MTM1: variants seen among roughly 807,000 people sequenced by gnomAD.
MTM1 encodes the protein myotubularin 1, also known as myotubularin.
MTM1 carries 9 observed loss-of-function variants against 52.1 expected under a neutral mutation model. The observed-to-expected ratio is 0.17, with a 90% CI of 0.10 to 0.30. The LOEUF (loss-of-function observed/expected upper bound fraction) is 0.30. Among genes scored for constraint, MTM1 ranks in the 10% least tolerant of loss-of-function variants. The pLI, the probability that MTM1 is intolerant of heterozygous loss-of-function variation, is 1.00. For missense variants in MTM1, 277 were observed against 470.7 expected, an observed-to-expected ratio of 0.59 and a Z score of 3.81; for synonymous variants, 136 against 163.8, an observed-to-expected ratio of 0.83 and a Z score of 1.29.
At chrX:150,586,455 G>C (rs1464696896) in intron 1 of MTM1, among the ~76,000 whole-genome samples, 2 of 111,362 alleles carry the variant, frequency 1.8e-5, no homozygotes, top group Non-Finnish European at 3.8e-5. Context: ...AATGGAAGGA[G>C]GCATATTTGA....
In MTM1 at chrX:150,659,192, G is replaced by T. The variant is rs781860614; in HGVS notation, c.1261-472G>T. On this transcript the variant is annotated intron_variant, in intron 11 of 14. Transcript: ENST00000370396. ...TGTTTAGTAAATGAATACATTGTGA[G>T]ATTTTTTGGTTTTGTCTTGTTTTTA... Among the ~76,000 whole-genome samples, 20 of 112,481 alleles carry T rather than the reference G, an allele frequency of 1.8e-4. No homozygotes were observed. In the South Asian group the frequency reaches 4.0e-3, roughly 22 times the overall value.
chrX:150,646,568 G>A (rs148288886), intron 9 of MTM1, among the ~76,000 whole-genome samples: 1,907 of 112,335 alleles, frequency 0.017, 20 homozygotes, highest in Non-Finnish European at 0.027. Flanking sequence ...TGCATTTTAC[G>A]TTCTATTTCT....
chrX:150,622,246 G>A (rs2039495631), intron 6 of MTM1, among the ~76,000 whole-genome samples: 1 of 108,966 alleles, frequency 9.2e-6, no homozygotes, highest in South Asian at 3.9e-4. Flanking sequence ...GTTTTGGAAG[G>A]TGACATTATC....
At chrX:150,606,707 TCCCC>T (rs2039163493) in intron 4 of MTM1, among the ~76,000 whole-genome samples, 1 of 111,322 alleles carries the variant, frequency 9.0e-6, no homozygotes, top group African/African-American at 3.3e-5. Context: ...GAGTCTTAGT[TCCCC>T]ATTGGTTATT....
intron 6 of MTM1, among the ~76,000 whole-genome samples, chrX:150,624,201 C>T (rs781877506): frequency 7.2e-5 from 8 of 111,744 alleles, no homozygotes; most frequent in South Asian, 7.5e-4. Flanking sequence ...TGGTAAGATG[C>T]GCACTTTTTT....
rs1569565322 is a variant in MTM1, at chrX:150,583,387, T to TATAATTATA, written c.-10-9217_-10-9216insTAATTATAA. On this transcript the variant is annotated intron_variant, in intron 1 of 14. Coordinates refer to ENST00000370396, the MANE Select transcript of MTM1 (RefSeq NM_000252.3). ...TAAATTATATATATTATATATAATA[T>TATAATTATA]AATATATATAAATTATATATATTAT... 4.1e-4 allele frequency among the ~76,000 whole-genome samples: 5 copies of TATAATTATA among 12,217 alleles called. No individual in the cohort carries two copies. The African/African-American group carries it at 4.5e-3, about 11-fold the overall frequency. 10.6% of individuals were successfully genotyped at this position (12,217 alleles called of 115,157 possible).
chrX:150,577,041 T>C (rs1557411670), intron 1 of MTM1, among the ~76,000 whole-genome samples: 1 of 112,768 alleles, frequency 8.9e-6, no homozygotes, highest in East Asian at 2.7e-4. Context: ...CGTAGTTCTT[T>C]GAAATTTGTC....
chrX:150,616,289 C>G (rs782375533), intron 5 of MTM1, among the ~76,000 whole-genome samples: 3 of 111,710 alleles, frequency 2.7e-5, no homozygotes, highest in Non-Finnish European at 5.6e-5. Context: ...TGTTGTAGCA[C>G]AACCTTTTAA....
upstream of MTM1, among the ~76,000 whole-genome samples, chrX:150,566,193 T>C (rs185933539): frequency 3.4e-3 from 380 of 111,592 alleles, 1 homozygote; most frequent in African/African-American, 0.011. Flanking sequence ...TGAAGTGTAG[T>C]GGTGCAATCT....
intron 14 of MTM1, among the ~76,000 whole-genome samples, 171 bp from the exon 15 acceptor site, chrX:150,671,257 G>A (rs1557415123): frequency 8.9e-6 from 1 of 111,746 alleles, no homozygotes; most frequent in Non-Finnish European, 1.9e-5. Flanking sequence ...ACTCTGTGTT[G>A]TACTTTCCTG....
At chrX:150,618,307 A>T (rs782151243) in intron 5 of MTM1, among the ~76,000 whole-genome samples, 11 of 112,033 alleles carry the variant, frequency 9.8e-5, no homozygotes, top group African/African-American at 3.6e-4. Flanking sequence ...ATTATATTTG[A>T]TAGCAGGTAC....
intron 5 of MTM1, among the ~76,000 whole-genome samples, chrX:150,618,681 T>A (rs1266286889): frequency 2.7e-5 from 3 of 111,402 alleles, no homozygotes; most frequent in East Asian, 2.8e-4. Context: ...AAATAAATTT[T>A]AAAAAATTTA....
chrX:150,644,694 C>T (rs1344250548), intron 8 of MTM1, among the ~76,000 whole-genome samples: 2 of 111,247 alleles, frequency 1.8e-5, no homozygotes, highest in East Asian at 2.8e-4. Context: ...TAAGCTAACA[C>T]GAGCCAGTGT....
intron 1 of MTM1, among the ~76,000 whole-genome samples, chrX:150,580,394 T>G (rs1557411831): frequency 8.9e-6 from 1 of 112,105 alleles, no homozygotes; most frequent in East Asian, 2.8e-4. Flanking sequence ...CATATACTGC[T>G]CCTTCAAAAG....
chrX:150,570,090 T>C (rs1340700090), intron 1 of MTM1, among the ~76,000 whole-genome samples: 1 of 111,823 alleles, frequency 8.9e-6, no homozygotes, highest in Non-Finnish European at 1.9e-5. Context: ...TAACTTAAAG[T>C]TCTAACTACA....
At chrX:150,583,105 AAATT>A (rs1220813334) in intron 1 of MTM1, among the ~76,000 whole-genome samples, 1 of 84,529 alleles carries the variant, frequency 1.2e-5, no homozygotes, top group African/African-American at 4.5e-5. Flanking sequence ...ATTTATATAT[AAATT>A]ATAAATTATG....
intron 14 of MTM1, among the ~76,000 whole-genome samples, chrX:150,670,474 T>C (rs1392974165): frequency 8.9e-6 from 1 of 112,532 alleles, no homozygotes; most frequent in Non-Finnish European, 1.9e-5. Context: ...GCAGAGCCGC[T>C]ATGGCTGTCA....
rs1365826752 is a variant in MTM1 at position 150,583,507 on chromosome X, A to T, written c.-10-9098A>T. On this transcript the variant is annotated intron_variant, in intron 1 of 14. Transcript: ENST00000370396. ...TATATTATATATAAATTATAAATAT[A>T]TATAATTTATATATATTATATATAA... 1.6e-3 allele frequency among the ~76,000 whole-genome samples: 49 copies of T among 30,174 alleles called. 3 individuals carry two copies. The highest frequency in any genetic ancestry group is 5.9e-3 in the African/African-American group (47 of 8,012). The allele number at this position is 30,174 out of a possible 115,157, so 26.2% of individuals were successfully genotyped here. A position where few individuals can be genotyped will look rare whatever the true frequency, so the allele number is the denominator to read the frequency against.
intron 6 of MTM1, among the ~76,000 whole-genome samples, chrX:150,619,574 T>A (rs1229963649): frequency 1.8e-5 from 2 of 112,511 alleles, no homozygotes; most frequent in Non-Finnish European, 3.8e-5. Context: ...TATGACTTAG[T>A]CCAAAGGTGA....
Sources: gnomAD v4.1 joint callset for allele counts (sites outside exome capture counted in the v4.1 genomes callset) on GRCh38, gnomAD v4.1.1 for gene constraint, MANE v1.5 for transcripts, NCBI Gene and HGNC (gene_info 2026-07-23, HGNC 2026-07-21) for gene names.